Variants in NFU1 observed in about 807,000 individuals in gnomAD.
The protein encoded by NFU1 is NFU1 iron-sulfur cluster scaffold homolog, mitochondrial.
Under a neutral mutation model 32.2 loss-of-function variants are expected in NFU1, and 30 were observed. The observed-to-expected ratio is 0.93, with a 90% CI of 0.70 to 1.26. NFU1 has a LOEUF of 1.26. Among genes scored for constraint, NFU1 ranks in the 50% most tolerant of loss-of-function variants. NFU1 has a pLI of 0.00. For synonymous variants in NFU1, 112 were observed against 104.6 expected (o/e 1.07, Z -0.43); for missense variants, 306 against 306.6 (o/e 1.00, Z 0.02).
intron 5 of NFU1, among the ~76,000 whole-genome samples, chr2:69,406,995 A>T (rs1339640645): frequency 2.0e-5 from 3 of 152,112 alleles, no homozygotes; most frequent in Non-Finnish European, 2.9e-5. Flanking sequence ...TGTTGCCGTC[A>T]TGTGAAGACT....
chr2:69,405,582 G>A (rs1672669002), intron 6 of NFU1, among the ~76,000 whole-genome samples: 2 of 152,200 alleles, frequency 1.3e-5, no homozygotes, highest in South Asian at 4.1e-4. Flanking sequence ...AGCTTTTCTG[G>A]GAGTTCTCAG....
At chr2:69,425,671 A>T (rs892881131) in intron 2 of NFU1, among the ~76,000 whole-genome samples, 17 of 150,668 alleles carry the variant, frequency 1.1e-4, no homozygotes, top group East Asian at 3.9e-4. Flanking sequence ...TTTTTTTTTT[A>T]AACTGGGTTT....
intron 2 of NFU1, among the ~76,000 whole-genome samples, chr2:69,428,034 A>T (rs910384612): frequency 1.3e-5 from 2 of 152,160 alleles, no homozygotes; most frequent in African/African-American, 4.8e-5. Context: ...AAAAGAAAAA[A>T]GAAAAAAGAA....
chr2:69,411,568 T>TTA (rs1302617063), intron 5 of NFU1, among the ~76,000 whole-genome samples: 2 of 151,984 alleles, frequency 1.3e-5, no homozygotes, highest in African/African-American at 2.4e-5. Context: ...TTCAGAATAT[T>TTA]TATATATATA....
At chr2:69,400,082 A>T (rs1247371217) in intron 7 of NFU1, among the ~76,000 whole-genome samples, 5 of 152,162 alleles carry the variant, frequency 3.3e-5, no homozygotes, top group Non-Finnish European at 1.5e-5. Flanking sequence ...CATGTTGGTC[A>T]GGCTGGTCTG....
chr2:69,421,075 G>GTGCC (rs1673222523), intron 3 of NFU1, among the ~76,000 whole-genome samples: 1 of 152,042 alleles, frequency 6.6e-6, no homozygotes, highest in Non-Finnish European at 1.5e-5. Context: ...GAGGTGGCAT[G>GTGCC]TGCCTATAGT....
At chr2:69,418,388 G>C (rs1455074022) in intron 4 of NFU1, among the ~76,000 whole-genome samples, 1 of 152,162 alleles carries the variant, frequency 6.6e-6, no homozygotes, top group Non-Finnish European at 1.5e-5. Context: ...TGTGGAGTGA[G>C]ACTTTGTCTC....
intron 5 of NFU1, among the ~76,000 whole-genome samples, chr2:69,413,863 A>G (rs905032974): frequency 6.6e-6 from 1 of 152,102 alleles, no homozygotes; most frequent in African/African-American, 2.4e-5. Context: ...CCTGGCCAAC[A>G]TGGTTAAACT....
chr2:69,402,769 C>T (rs1274680671), intron 6 of NFU1, among the ~76,000 whole-genome samples: 1 of 151,708 alleles, frequency 6.6e-6, no homozygotes, highest in African/African-American at 2.4e-5. Context: ...TTTTAGTAGA[C>T]ACAAGGTTTC....
intron 3 of NFU1, among the ~76,000 whole-genome samples, chr2:69,422,307 G>C (rs1449886800): frequency 6.6e-6 from 1 of 152,112 alleles, no homozygotes. Flanking sequence ...TTTATTTCTG[G>C]AATTTTCCAT....
rs70954344 is a variant in NFU1 at position 69,408,734 on chromosome 2, T to TTATATATATATA, written c.485-2664_485-2653dup. On this transcript the variant is annotated intron_variant, in intron 5 of 7. Transcript: ENST00000410022. ...CACCGTCTCAAAAAAATATAAAATT[T>TTATATATATATA]TATATATATATATATATATATATAT... Among the ~76,000 whole-genome samples the TTATATATATATA allele has an allele frequency of 5.9e-3, 807 of 136,182 alleles. 4 individuals are homozygous for TTATATATATATA. Among genetic ancestry groups the TTATATATATATA allele is most frequent in the Non-Finnish European group, 0.01 (649 of 62,920 alleles). 89.3% of individuals were successfully genotyped at this position (136,182 alleles called of 152,430 possible). A position where few individuals can be genotyped will look rare whatever the true frequency, so the allele number is the denominator to read the frequency against.
rs377240857 is a variant in NFU1 at position 69,437,367 on chromosome 2, C to T, written c.56G>A (p.Arg19His). 1.9e-5 allele frequency: 31 copies of T among 1,607,540 alleles called. No individual in the cohort carries two copies. The highest frequency in any genetic ancestry group is 2.6e-5 in the Non-Finnish European group (31 of 1,178,612). ...CTCCAGGCTCGTCACCTACCGCCTG[C>T]GCAGCCCGGCGGCAACAGCCGCAGC... ...WGAAAVAAGL[R>H]RRFCHMLKNP... is the part of the protein sequence containing the mutation. Residue 19 changes from arginine to histidine, a missense_variant, in exon 1 of 8, where the codon CGC becomes CAC. Physicochemically the swap from Arg to His is conservative, Grantham distance 29. Coordinates refer to ENST00000410022, the MANE Select transcript of NFU1 (RefSeq NM_001002755.4).
chr2:69,427,675 G>C (rs1673508464), intron 2 of NFU1, among the ~76,000 whole-genome samples: 1 of 104,120 alleles, frequency 9.6e-6, no homozygotes, highest in Non-Finnish European at 1.8e-5. Flanking sequence ...GTGACACTCA[G>C]TCTCAAAAAA....
chr2:69,405,805 T>C (rs542521039), intron 6 of NFU1, among the ~76,000 whole-genome samples: 2 of 152,350 alleles, frequency 1.3e-5, no homozygotes, highest in Non-Finnish European at 2.9e-5. Flanking sequence ...ATTTCTTCAT[T>C]GAATATGTTT....
rs1037210318 is a variant in NFU1 at position 69,416,363 on chromosome 2, T to C, written c.370-1064A>G. 1.1e-4 allele frequency among the ~76,000 whole-genome samples: 14 copies of C among 131,796 alleles called. No individual in the cohort carries two copies. The South Asian group carries it at 2.9e-3, about 28-fold the overall frequency. 86.5% of individuals were successfully genotyped at this position (131,796 alleles called of 152,430 possible). A position where few individuals can be genotyped will look rare whatever the true frequency, so the allele number is the denominator to read the frequency against. On this transcript the variant is annotated intron_variant, in intron 4 of 7. Coordinates refer to ENST00000410022, the MANE Select transcript of NFU1 (RefSeq NM_001002755.4). The stretch of plus-strand genomic sequence containing the variant: ...ATTAATTTAAATATAATTATTAATA[T>C]ATTAGTAATAATATTATTATTAATT...
chr2:69,403,392 A>AT (rs199867879), intron 6 of NFU1, among the ~76,000 whole-genome samples: 43 of 143,994 alleles, frequency 3.0e-4, no homozygotes, highest in East Asian at 6.1e-4. Flanking sequence ...GGTTTGATTC[A>AT]TTTTTTTTTT....
At chr2:69,397,960 C>A (rs1178150250) in intron 7 of NFU1, among the ~76,000 whole-genome samples, 1 of 148,900 alleles carries the variant, frequency 6.7e-6, no homozygotes, top group South Asian at 2.1e-4. Context: ...TGATCTGAGA[C>A]AATCAATAGA....
chr2:69,406,453 CAAAAAGG>C (rs1672698177), intron 5 of NFU1, among the ~76,000 whole-genome samples: 1 of 152,148 alleles, frequency 6.6e-6, no homozygotes, highest in Non-Finnish European at 1.5e-5. Context: ...AACTTTGAGA[CAAAAAGG>C]CACACCTACT....
At chr2:69,407,009 G>A (rs1672715693) in intron 5 of NFU1, among the ~76,000 whole-genome samples, 2 of 152,066 alleles carry the variant, frequency 1.3e-5, no homozygotes, top group African/African-American at 2.4e-5. Context: ...GAAGACTCGC[G>A]TGTTTGCTTC....
Sources: allele counts gnomAD v4.1 joint callset (sites outside exome capture counted in the v4.1 genomes callset), GRCh38; gene constraint gnomAD v4.1.1; transcripts MANE v1.5; gene names NCBI Gene and HGNC (gene_info 2026-07-23, HGNC 2026-07-21).